The following NOP9 variants were observed in gnomAD, a reference collection of about 807,000 sequenced individuals.
NOP9 encodes nucleolar protein 9.
Under a neutral mutation model 63.0 loss-of-function variants are expected in NOP9, and 50 were observed. The observed-to-expected ratio is 0.79, with a 90% CI of 0.63 to 1.00. The LOEUF (loss-of-function observed/expected upper bound fraction) is 1.00. Ranked by LOEUF, NOP9 falls within the 50% of genes least tolerant of loss-of-function variation. The pLI, the probability that NOP9 is intolerant of heterozygous loss-of-function variation, is 0.00. For missense variants in NOP9, 758 were observed against 803.0 expected (o/e 0.94, Z 0.68); for synonymous variants, 343 against 332.8 (o/e 1.03, Z -0.33).
At chr14:24,297,540 G>C (rs1231409573), upstream of NOP9, among the ~76,000 whole-genome samples, 1 of 152,094 alleles carries the variant, frequency 6.6e-6, no homozygotes, top group Non-Finnish European at 1.5e-5. Flanking sequence ...GCCTCCCAAC[G>C]ACTCACCTGA....
the NOP9 span, chr14:24,292,474 G>A: frequency 8.8e-6 from 13 of 1,473,016 alleles, no homozygotes; most frequent in South Asian, 1.4e-4. Flanking sequence ...TCCCCAGTGT[G>A]ATGCCTACTC....
chr14:24,287,233 G>A, the NOP9 span, among the ~76,000 whole-genome samples: 80 of 152,298 alleles, frequency 5.3e-4, no homozygotes, highest in African/African-American at 1.9e-3. Flanking sequence ...GCCCTTCTTG[G>A]AGGACTGCCT....
At chr14:24,281,525 CATCCTT>C in the NOP9 span, among the ~76,000 whole-genome samples, 15 of 152,340 alleles carry the variant, frequency 9.8e-5, no homozygotes, top group East Asian at 2.9e-3. Flanking sequence ...GGGAAGGAGT[CATCCTT>C]ATCCAGGAAA....
At chr14:24,301,803 G>A in intron 3 of NOP9, 81 bp downstream of exon 3, 1 of 1,529,668 alleles carries the variant, frequency 6.5e-7, no homozygotes, top group Non-Finnish European at 9.0e-7. Flanking sequence ...CTTACCTCAG[G>A]TTATTCCTCT....
chr14:24,288,597 G>A, the NOP9 span, among the ~76,000 whole-genome samples: 2 of 152,024 alleles, frequency 1.3e-5, no homozygotes, highest in Admixed American at 6.6e-5. Context: ...ATCTGCCTGC[G>A]TCAGCCTCCC....
At chr14:24,295,372 G>C (rs1052938203), upstream of NOP9, among the ~76,000 whole-genome samples, 1 of 152,238 alleles carries the variant, frequency 6.6e-6, no homozygotes, top group Middle Eastern at 3.4e-3. Flanking sequence ...TTTTGCATAG[G>C]GAAAGAATTA....
chr14:24,297,321 C>G (rs1256906987), upstream of NOP9, among the ~76,000 whole-genome samples: 2 of 152,208 alleles, frequency 1.3e-5, no homozygotes, highest in Non-Finnish European at 2.9e-5. Flanking sequence ...TACCCTCACT[C>G]CACCAATGCT....
the NOP9 span, among the ~76,000 whole-genome samples, chr14:24,289,945 G>T: frequency 1.1e-4 from 16 of 152,224 alleles, no homozygotes; most frequent in African/African-American, 3.9e-4. Flanking sequence ...TGAAGATTTT[G>T]AATAAGTAAA....
chr14:24,283,147 A>G, the NOP9 span, among the ~76,000 whole-genome samples: 1 of 152,252 alleles, frequency 6.6e-6, no homozygotes. Flanking sequence ...GAGAAAGCTC[A>G]GTGCTGCCAG....
At chr14:24,271,280 C>T in the NOP9 span, 22 of 880,882 alleles carry the variant, frequency 2.5e-5, no homozygotes, top group Non-Finnish European at 3.5e-5. Flanking sequence ...GTAAAGAGGT[C>T]CTGGGACAGG....
At chr14:24,279,959 CA>C in the NOP9 span, among the ~76,000 whole-genome samples, 1 of 152,164 alleles carries the variant, frequency 6.6e-6, no homozygotes, top group Non-Finnish European at 1.5e-5. Context: ...TAGATGAACA[CA>C]GGGGGCTAAG....
At chr14:24,291,728 A>G in the NOP9 span, 1 of 1,216,422 alleles carries the variant, frequency 8.2e-7, no homozygotes, top group Non-Finnish European at 1.2e-6. Flanking sequence ...ACCAAAGACC[A>G]AAGAGGCCAA....
chr14:24,299,231 G>A (rs2041322283), upstream of NOP9: 5 of 1,156,828 alleles, frequency 4.3e-6, no homozygotes, highest in Non-Finnish European at 5.9e-6. Context: ...CTAAGAGGAG[G>A]AGCCAAGGTA....
the NOP9 span, chr14:24,292,852 G>A: frequency 6.5e-7 from 1 of 1,537,530 alleles, no homozygotes; most frequent in Non-Finnish European, 8.7e-7. Context: ...ACAGCCTCTG[G>A]CGGCTTCCCC....
Position 24,305,730 on chromosome 14 carries a change from C to A in NOP9, c.*635C>A. On this transcript the variant is annotated 3_prime_UTR_variant, in exon 10 of 10. Transcript: ENST00000267425. ...AATTCCCAGCAACATATGGCCCAGGCCTTGCAGCAGTGTGGAGGTCCAACG... is the reference window on the plus strand; with the variant it reads ...AATTCCCAGCAACATATGGCCCAGGACTTGCAGCAGTGTGGAGGTCCAACG... 1 of 1,614,146 alleles carries A rather than the reference C, an allele frequency of 6.2e-7. No individual in the cohort carries two copies. The highest frequency in any genetic ancestry group is 8.5e-7 in the Non-Finnish European group (1 of 1,180,026).
At chr14:24,273,288 C>T in the NOP9 span, among the ~76,000 whole-genome samples, 1 of 151,736 alleles carries the variant, frequency 6.6e-6, no homozygotes, top group African/African-American at 2.4e-5. Flanking sequence ...AAGCGATTCT[C>T]CTGCCTCAGC....
the NOP9 span, among the ~76,000 whole-genome samples, chr14:24,286,727 G>A: frequency 6.6e-6 from 1 of 151,674 alleles, no homozygotes; most frequent in Non-Finnish European, 1.5e-5. Flanking sequence ...CGAGTAGCTG[G>A]GACTACAGGT....
intron 8 of NOP9, 82 bp downstream of exon 8, chr14:24,304,359 C>A: frequency 7.5e-7 from 1 of 1,338,416 alleles, no homozygotes; most frequent in Non-Finnish European, 1.1e-6. Flanking sequence ...TACCTTCAGA[C>A]TCAAAAAGGC....
At position 24,305,267 on chromosome 14, in the gene NOP9, A is replaced by T. The variant is rs1267697312; in HGVS notation, c.*172A>T. ...AGGGTATGAAGACAGATCTCAAGGTAAAGTCAGAGAGGGCTGTCATCAGTA... is the reference window on the plus strand; with the variant it reads ...AGGGTATGAAGACAGATCTCAAGGTTAAGTCAGAGAGGGCTGTCATCAGTA... On this transcript the variant is annotated 3_prime_UTR_variant, in exon 10 of 10. Coordinates refer to ENST00000267425, the MANE Select transcript of NOP9 (RefSeq NM_174913.3). The T allele has an allele frequency of 1.4e-6, 1 of 713,146 alleles. No homozygotes were observed. Among genetic ancestry groups the T allele is most frequent in the East Asian group, 3.1e-5 (1 of 31,996 alleles). 44.2% of individuals were successfully genotyped at this position (713,146 alleles called of 1,614,324 possible). A position where few individuals can be genotyped will look rare whatever the true frequency, so the allele number is the denominator to read the frequency against.
Sources: allele counts gnomAD v4.1 joint callset (sites outside exome capture counted in the v4.1 genomes callset), GRCh38; gene constraint gnomAD v4.1.1; transcripts MANE v1.5; gene names NCBI Gene and HGNC (gene_info 2026-07-23, HGNC 2026-07-21).